Variants in FHIT observed in about 807,000 individuals in gnomAD.
FHIT encodes bis(5'-adenosyl)-triphosphatase.
In FHIT, 19 loss-of-function variants were observed where a neutral mutation model predicts 17.9. That is an observed-to-expected ratio of 1.06 (90% confidence interval 0.74 to 1.56). The LOEUF (loss-of-function observed/expected upper bound fraction) is 1.56. Among genes scored for constraint, FHIT ranks in the 40% most tolerant of loss-of-function variants. The pLI is 0.00. For missense variants in FHIT, 248 were observed against 189.2 expected, an observed-to-expected ratio of 1.31 and a Z score of -1.82; for synonymous variants, 81 against 69.7, an observed-to-expected ratio of 1.16 and a Z score of -0.81.
At chr3:60,130,756 G>C (rs1176277545) in intron 5 of FHIT, among the ~76,000 whole-genome samples, 3 of 23,648 alleles carry the variant, frequency 1.3e-4, no homozygotes, top group African/African-American at 5.4e-4. Flanking sequence ...GTGTGTGTGT[G>C]TGTGTGTGTT....
intron 5 of FHIT, among the ~76,000 whole-genome samples, chr3:60,057,812 T>C (rs928347427): frequency 8.5e-5 from 13 of 152,172 alleles, no homozygotes; most frequent in African/African-American, 2.9e-4. Flanking sequence ...TCCTGTTTTC[T>C]TATACATTAT....
At chr3:60,196,451 T>C (rs1702643799) in intron 5 of FHIT, among the ~76,000 whole-genome samples, 1 of 152,138 alleles carries the variant, frequency 6.6e-6, no homozygotes, top group African/African-American at 2.4e-5. Context: ...TAAGGACCCT[T>C]GTGAATACAT....
intron 3 of FHIT, among the ~76,000 whole-genome samples, chr3:60,901,898 A>G (rs141466682): frequency 6.6e-6 from 1 of 152,314 alleles, no homozygotes; most frequent in East Asian, 1.9e-4. Flanking sequence ...GGAATACGTC[A>G]TAAGTACTGT....
chr3:60,033,449 G>A lies in FHIT; in HGVS notation c.104-19297C>T, dbSNP rs188278879. Among the ~76,000 whole-genome samples the A allele has an allele frequency of 4.5e-3, 679 of 151,472 alleles. 4 individuals carry two copies. The highest frequency in any genetic ancestry group is 0.015 in the African/African-American group (628 of 41,276). On this transcript the variant is annotated intron_variant, in intron 5 of 9. Coordinates refer to ENST00000492590, the MANE Select transcript of FHIT (RefSeq NM_002012.4). ...GCAGAGGCTGCGGTGAGCCAAGATC[G>A]CGCCATTGCACTCCAGCCTAGGCAA...
intron 7 of FHIT, among the ~76,000 whole-genome samples, chr3:59,969,199 A>G (rs557939932): frequency 6.6e-6 from 1 of 152,274 alleles, no homozygotes; most frequent in South Asian, 2.1e-4. Context: ...TGTTCTACGC[A>G]TATTTACTGT....
chr3:60,130,943 A>G (rs1014349960), intron 5 of FHIT, among the ~76,000 whole-genome samples: 4 of 150,074 alleles, frequency 2.7e-5, no homozygotes, highest in African/African-American at 4.9e-5. Flanking sequence ...TTATATATAT[A>G]CATATGTGAC....
At chr3:60,372,697 G>T (rs1027713535) in intron 5 of FHIT, among the ~76,000 whole-genome samples, 1 of 152,122 alleles carries the variant, frequency 6.6e-6, no homozygotes, top group Non-Finnish European at 1.5e-5. Flanking sequence ...TTTTTAAAAA[G>T]CTGCCTCCTT....
chr3:61,126,721 T>C (rs920552920), intron 2 of FHIT, among the ~76,000 whole-genome samples: 3 of 152,166 alleles, frequency 2.0e-5, no homozygotes. Flanking sequence ...ATTTAGCATG[T>C]TAGCTGGTGA....
chr3:60,596,313 G>A (rs2856021), intron 4 of FHIT, among the ~76,000 whole-genome samples: 277 of 152,048 alleles, frequency 1.8e-3, no homozygotes, highest in Middle Eastern at 6.8e-3. Flanking sequence ...TCTTCAGCAC[G>A]CACAGGCTGC....
At chr3:60,000,762 T>C (rs998383754) in intron 7 of FHIT, among the ~76,000 whole-genome samples, 1 of 152,086 alleles carries the variant, frequency 6.6e-6, no homozygotes, top group African/African-American at 2.4e-5. Flanking sequence ...ACTCTGAGTA[T>C]CATCAAAACA....
chr3:59,880,160 C>T (rs1302712740), intron 8 of FHIT, among the ~76,000 whole-genome samples: 1 of 152,160 alleles, frequency 6.6e-6, no homozygotes, highest in Non-Finnish European at 1.5e-5. Flanking sequence ...CTCACATAGC[C>T]ACAGTTGGTC....
At chr3:60,651,257 G>A (rs1359163598) in intron 4 of FHIT, among the ~76,000 whole-genome samples, 1 of 152,024 alleles carries the variant, frequency 6.6e-6, no homozygotes, top group Non-Finnish European at 1.5e-5. Flanking sequence ...AATACTATGA[G>A]CATTTTAAAT....
intron 2 of FHIT, among the ~76,000 whole-genome samples, chr3:61,163,774 T>C (rs1485546409): frequency 1.3e-5 from 2 of 152,202 alleles, no homozygotes; most frequent in Non-Finnish European, 2.9e-5. Context: ...CTGCTCTTCA[T>C]CAAATTTAGC....
At chr3:60,167,009 C>A (rs931374883) in intron 5 of FHIT, among the ~76,000 whole-genome samples, 2 of 152,132 alleles carry the variant, frequency 1.3e-5, no homozygotes, top group African/African-American at 4.8e-5. Context: ...ATATGCCAAA[C>A]ACACACCATG....
chr3:59,851,036 C>A (rs1424447603), intron 8 of FHIT, among the ~76,000 whole-genome samples: 1 of 152,150 alleles, frequency 6.6e-6, no homozygotes, highest in Non-Finnish European at 1.5e-5. Flanking sequence ...AGAGCAGGGT[C>A]TTCTCTATTT....
At chr3:61,181,460 C>A (rs1476876419) in intron 2 of FHIT, among the ~76,000 whole-genome samples, 1 of 152,066 alleles carries the variant, frequency 6.6e-6, no homozygotes, top group Non-Finnish European at 1.5e-5. Flanking sequence ...AGCACACAAA[C>A]AAATATATTA....
rs137865871 is a variant in FHIT, at chr3:60,351,272, T to A, written c.103+185588A>T. ...GGCACATTGTTTAGTTTGACTGATATTTATTTTTTGTAATAGTACTTTCTC... is the reference window on the plus strand; with the variant it reads ...GGCACATTGTTTAGTTTGACTGATAATTATTTTTTGTAATAGTACTTTCTC... On this transcript the variant is annotated intron_variant, in intron 5 of 9. Coordinates refer to ENST00000492590, the MANE Select transcript of FHIT (RefSeq NM_002012.4). Among the ~76,000 whole-genome samples the A allele has an allele frequency of 5.6e-3, 850 of 152,308 alleles. 9 individuals carry two copies. The highest frequency in any genetic ancestry group is 0.019 in the African/African-American group (802 of 41,562).
intron 4 of FHIT, among the ~76,000 whole-genome samples, chr3:60,693,427 C>T (rs2041039171): frequency 1.3e-5 from 2 of 152,072 alleles, no homozygotes; most frequent in African/African-American, 4.8e-5. Context: ...AGATAGGATG[C>T]TAGTAGAAGC....
At chr3:60,011,543 A>G (rs1448409564) in intron 6 of FHIT, 143 bp from the exon 7 acceptor site, 1 of 728,914 alleles carries the variant, frequency 1.4e-6, no homozygotes, top group Non-Finnish European at 2.4e-6. Flanking sequence ...TTGGCTTCAA[A>G]TGTGCGGGAT....
Sources: allele counts gnomAD v4.1 joint callset (sites outside exome capture counted in the v4.1 genomes callset), GRCh38; gene constraint gnomAD v4.1.1; transcripts MANE v1.5; gene names NCBI Gene and HGNC (gene_info 2026-07-23, HGNC 2026-07-21).